GATA3: variants seen among roughly 807,000 people sequenced by gnomAD.
GATA3 encodes the protein GATA binding protein 3, also known as trans-acting T-cell-specific transcription factor GATA-3.
In GATA3, 6 loss-of-function variants were observed where a neutral mutation model predicts 36.0. The observed-to-expected ratio is 0.17, with a 90% CI of 0.09 to 0.33. GATA3 has a LOEUF of 0.33. GATA3 is among the 10% of genes least tolerant of loss of function. The probability of loss-of-function intolerance (pLI) is 1.00; values close to 1 mark genes in which losing one functional copy is unlikely to be tolerated. For missense variants in GATA3, 514 were observed against 610.1 expected (o/e 0.84, Z 1.66); for synonymous variants, 326 against 273.0 (o/e 1.19, Z -1.92).
At chr10:8,060,725 A>G (rs765547334) in intron 3 of GATA3, among the ~76,000 whole-genome samples, 2 of 151,756 alleles carry the variant, frequency 1.3e-5, no homozygotes, top group Non-Finnish European at 2.9e-5. Flanking sequence ...CCTTAAGTTT[A>G]GTCTTTTCTT....
At chr10:8,066,595 C>T (rs1041783865) in intron 4 of GATA3, among the ~76,000 whole-genome samples, 1 of 152,086 alleles carries the variant, frequency 6.6e-6, no homozygotes, top group Non-Finnish European at 1.5e-5. Flanking sequence ...TGAAGACCAC[C>T]CAGCCCATAT....
At chr10:8,051,028 G>A (rs751641220), upstream of GATA3, 2 of 522,046 alleles carry the variant, frequency 3.8e-6, no homozygotes, top group African/African-American at 3.9e-5. Context: ...TCCGCGCCCT[G>A]GGTCTGTAGC....
intron 3 of GATA3, among the ~76,000 whole-genome samples, chr10:8,062,412 T>A (rs935305842): frequency 4.0e-5 from 6 of 150,774 alleles, no homozygotes; most frequent in Non-Finnish European, 7.4e-5. Flanking sequence ...GTGGGCACCA[T>A]CCCTGACTTT....
chr10:8,068,123 C>T (rs964055213), intron 4 of GATA3, among the ~76,000 whole-genome samples: 50 of 151,846 alleles, frequency 3.3e-4, no homozygotes, highest in African/African-American at 1.1e-3. Context: ...TTTTTTAAAG[C>T]GTGAACAGAG....
At position 8,058,529 on chromosome 10, in the gene GATA3, A is replaced by G; in HGVS notation, c.466A>G (p.Thr156Ala). ...ASPHLFTFPP[T>A]PPKDVSPDPS... Reference sequence around the variant, plus strand: ...CCCGCACCTCTTCACCTTCCCGCCCACCCCGCCGAAGGACGTCTCCCCGGA... The same window carrying G: ...CCCGCACCTCTTCACCTTCCCGCCCGCCCCGCCGAAGGACGTCTCCCCGGA... The change falls in exon 3 of 6, where the codon ACC (threonine) becomes GCC (alanine). Residue 156 changes from threonine to alanine, a missense_variant. Transcript: ENST00000379328. The G allele has an allele frequency of 6.3e-7, 1 of 1,580,766 alleles. No homozygotes were observed. Among genetic ancestry groups the G allele is most frequent in the Non-Finnish European group, 8.6e-7 (1 of 1,166,406 alleles).
chr10:8,052,950 T>C (rs972562451), upstream of GATA3: 2 of 151,028 alleles, frequency 1.3e-5, no homozygotes, highest in Admixed American at 6.6e-5. Flanking sequence ...TTCTGTCCTA[T>C]ATATGGAAAT....
At chr10:8,066,292 A>G (rs905328310) in intron 4 of GATA3, among the ~76,000 whole-genome samples, 1 of 152,080 alleles carries the variant, frequency 6.6e-6, no homozygotes, top group Admixed American at 6.5e-5. Context: ...AATTGCTTTG[A>G]ATTTTAGAGT....
rs3839918 is a variant in GATA3 at position 8,074,278 on chromosome 10, G to GAA, written c.*264_*265dup. 5,100 of 385,724 alleles carry GAA rather than the reference G, an allele frequency of 0.013. 18 individuals carry two copies. Among genetic ancestry groups the GAA allele is most frequent in the African/African-American group, 0.033 (1,607 of 49,320 alleles). 23.9% of individuals were successfully genotyped at this position (385,724 alleles called of 1,614,324 possible). On this transcript the variant is annotated 3_prime_UTR_variant, in exon 6 of 6. Coordinates refer to ENST00000379328, the MANE Select transcript of GATA3 (RefSeq NM_001002295.2). ...TATTTAACAGGGTCTCTAGTGCTGT[G>GAA]AAAAAAAAAATGCTGAACATTGCAT...
In GATA3 at chr10:8,054,866, C is replaced by G. The variant is rs1293329387; in HGVS notation, c.-395C>G. ...AGCAGGTCGTACGCCGCCGCCTCCT[C>G]CTCCTCTCTGCTCTTCGCTACCCAG... is the stretch of plus-strand genomic sequence containing the variant. On this transcript the variant is annotated 5_prime_UTR_variant, in exon 1 of 6. Coordinates refer to ENST00000379328, the MANE Select transcript of GATA3 (RefSeq NM_001002295.2). The surrounding 1 kb of genome is among the most constrained non-coding windows in gnomAD (Gnocchi z 4.2). The G allele has an allele frequency of 6.6e-6, 1 of 152,332 alleles. No homozygotes were observed. The highest frequency in any genetic ancestry group is 6.5e-5 in the Admixed American group (1 of 15,284). The allele number at this position is 152,332 out of a possible 1,614,324, so 9.4% of individuals were successfully genotyped here. A position where few individuals can be genotyped will look rare whatever the true frequency, so the allele number is the denominator to read the frequency against.
chr10:8,058,576 C>G lies in GATA3; in HGVS notation c.513C>G (p.Gly171=), dbSNP rs760112771. ...CGGACCCATCGCTGTCCACCCCAGG[C>G]TCGGCCGGCTCGGCCCGGCAGGACG... ...VSPDPSLSTP[G]SAGSARQDEK... Residue 171 remains glycine (G), a synonymous_variant, in exon 3 of 6, where the codon GGC becomes GGG. Coordinates refer to ENST00000379328, the MANE Select transcript of GATA3 (RefSeq NM_001002295.2). 5 of 1,612,296 alleles carry G rather than the reference C, an allele frequency of 3.1e-6. No individual in the cohort carries two copies. Among genetic ancestry groups the G allele is most frequent in the South Asian group, 1.1e-5 (1 of 91,088 alleles).
chr10:8,048,903 C>T (rs72784604), upstream of GATA3, among the ~76,000 whole-genome samples: 122 of 130,102 alleles, frequency 9.4e-4, 1 homozygote, highest in African/African-American at 3.4e-3. Flanking sequence ...GTGGTAGTGG[C>T]GGTGGGAGGG....
chr10:8,048,940 G>A (rs1335612901), upstream of GATA3, among the ~76,000 whole-genome samples: 1 of 151,914 alleles, frequency 6.6e-6, no homozygotes, highest in Non-Finnish European at 1.5e-5. Flanking sequence ...TGGAGGCCGG[G>A]GCCGGGCTGG....
At position 8,073,885 on chromosome 10, in the gene GATA3, A is replaced by G; in HGVS notation, c.1197A>G (p.Arg399=). ...NSSFNPAALS[R]HMSSLSHISP... is the part of the protein sequence containing the mutation. ...CGTTTAACCCGGCCGCCCTCTCCAG[A>G]CACATGTCCTCCCTGAGCCACATCT... The change falls in exon 6 of 6, where the codon AGA becomes AGG. Residue 399 remains arginine, a synonymous_variant. Coordinates refer to ENST00000379328, the MANE Select transcript of GATA3 (RefSeq NM_001002295.2). 1 of 1,614,056 alleles carries G rather than the reference A, an allele frequency of 6.2e-7. No homozygotes were observed. The highest frequency in any genetic ancestry group is 8.5e-7 in the Non-Finnish European group (1 of 1,180,004).
chr10:8,046,110 C>A (rs1832383533), intron 1 of GATA3, among the ~76,000 whole-genome samples: 1 of 152,262 alleles, frequency 6.6e-6, no homozygotes, highest in South Asian at 2.1e-4. Context: ...AAAACCGCAG[C>A]CTCCCCAGAG....
chr10:8,073,750 C>G lies in GATA3; in HGVS notation c.1062C>G (p.Pro354=), dbSNP rs756535371. ...TGATCTTTGTTTAGATTAACAGACC[C>G]CTGACTATGAAGAAGGAAGGCATCC... ...LYYKLHNINR[P]LTMKKEGIQT... is the part of the protein sequence containing the mutation. Residue 354 remains proline (P), a synonymous_variant, in exon 6 of 6, where the codon CCC becomes CCG. Coordinates refer to ENST00000379328, the MANE Select transcript of GATA3 (RefSeq NM_001002295.2). The G allele has an allele frequency of 6.2e-7, 1 of 1,613,592 alleles. No individual in the cohort carries two copies. The highest frequency in any genetic ancestry group is 8.5e-7 in the Non-Finnish European group (1 of 1,179,940).
upstream of GATA3, among the ~76,000 whole-genome samples, chr10:8,049,652 A>G (rs1056380582): frequency 6.6e-6 from 1 of 152,134 alleles, no homozygotes; most frequent in Non-Finnish European, 1.5e-5. Flanking sequence ...CGAGCTGTTT[A>G]TACAGCTTTA....
At chr10:8,064,706 T>C (rs1220654166) in intron 4 of GATA3, among the ~76,000 whole-genome samples, 1 of 152,256 alleles carries the variant, frequency 6.6e-6, no homozygotes, top group African/African-American at 2.4e-5. Context: ...CCAGTGAGCC[T>C]AATGCCACTT....
At chr10:8,073,336 C>T (rs1832961266) in intron 5 of GATA3, among the ~76,000 whole-genome samples, 1 of 152,022 alleles carries the variant, frequency 6.6e-6, no homozygotes, top group South Asian at 2.1e-4. Flanking sequence ...ACAGCCTTAA[C>T]CACCTAGAGG....
chr10:8,048,185 T>G (rs1445895030), intron 1 of GATA3, among the ~76,000 whole-genome samples: 1 of 152,102 alleles, frequency 6.6e-6, no homozygotes, highest in African/African-American at 2.4e-5. Context: ...CGGAGGAGAC[T>G]CGGCTGAGGC....
Sources: allele counts gnomAD v4.1 joint callset (sites outside exome capture counted in the v4.1 genomes callset), GRCh38; gene constraint gnomAD v4.1.1; non-coding constraint Gnocchi (gnomAD v3.1); transcripts MANE v1.5; gene names NCBI Gene and HGNC (gene_info 2026-07-23, HGNC 2026-07-21).